The following C6orf62 variants were observed in gnomAD, a reference collection of about 807,000 sequenced individuals.
The protein encoded by C6orf62 is chromosome 6 open reading frame 62, also known as uncharacterized protein C6orf62.
A neutral mutation model predicts 26.8 loss-of-function variants in C6orf62; 16 were observed. The observed-to-expected ratio is 0.60, with a 90% CI of 0.40 to 0.91. The LOEUF is 0.91. Among genes scored for constraint, C6orf62 ranks in the 40% least tolerant of loss-of-function variants. The pLI, the probability that C6orf62 is intolerant of heterozygous loss-of-function variation, is 0.00. For missense variants in C6orf62, 192 were observed against 271.4 expected, an observed-to-expected ratio of 0.71 and a Z score of 2.06; for synonymous variants, 112 against 91.5, an observed-to-expected ratio of 1.22 and a Z score of -1.28.
At position 24,712,360 on chromosome 6, in the gene C6orf62, C is replaced by T. The variant is rs535424314; in HGVS notation, c.429+1958G>A. 1.6e-3 allele frequency among the ~76,000 whole-genome samples: 243 copies of T among 149,704 alleles called. 2 individuals are homozygous for T. Among genetic ancestry groups the T allele is most frequent in the African/African-American group, 5.7e-3 (231 of 40,642 alleles). On this transcript the variant is annotated intron_variant, in intron 3 of 4. Transcript: ENST00000378119. Reference sequence around the variant, plus strand: ...TCACGCCACCACACTCCAGCTTGGGCGACAGAGCAAGACCCTGTCTCAAAA... The same window carrying T: ...TCACGCCACCACACTCCAGCTTGGGTGACAGAGCAAGACCCTGTCTCAAAA...
upstream of C6orf62, chr6:24,720,363 T>A: frequency 8.2e-7 from 1 of 1,225,484 alleles, no homozygotes; most frequent in Non-Finnish European, 1.0e-6. Flanking sequence ...ACTGAGCCCC[T>A]CCATCCCCGC....
At chr6:24,710,783 G>C (rs1230866408) in intron 3 of C6orf62, among the ~76,000 whole-genome samples, 1 of 152,010 alleles carries the variant, frequency 6.6e-6, no homozygotes, top group African/African-American at 2.4e-5. Context: ...AGGATCACTA[G>C]AGGCCAGGAG....
chr6:24,714,857 GATC>G (rs1403562476), intron 2 of C6orf62, among the ~76,000 whole-genome samples: 3 of 152,142 alleles, frequency 2.0e-5, no homozygotes, highest in Admixed American at 6.5e-5. Context: ...GACCTCAGGT[GATC>G]CACCCACCTC....
chr6:24,707,875 G>C (rs942253348), intron 4 of C6orf62, among the ~76,000 whole-genome samples: 1 of 151,898 alleles, frequency 6.6e-6, no homozygotes, highest in South Asian at 2.1e-4. Context: ...GCTGGGCGTG[G>C]TGGCGGGCAC....
At position 24,718,774 on chromosome 6, in the gene C6orf62, AATATG is replaced by A; in HGVS notation, c.-111_-107del. The A allele has an allele frequency of 6.4e-7, 1 of 1,568,874 alleles. No homozygotes were observed. Among genetic ancestry groups the A allele is most frequent in the Non-Finnish European group, 8.6e-7 (1 of 1,167,422 alleles). The stretch of plus-strand genomic sequence containing the variant: ...GAAACAAGTCATTTTTTTTCCTGCT[AATATG>A]ATTGATTAGCGAAAATCACGACTAT... On this transcript the variant is annotated 5_prime_UTR_variant, in exon 1 of 5. Transcript: ENST00000378119.
At chr6:24,716,400 T>C (rs765395533) in intron 1 of C6orf62, 76 bp from the exon 2 acceptor site, 128 of 1,045,498 alleles carry the variant, frequency 1.2e-4, no homozygotes, top group Non-Finnish European at 1.8e-4. Context: ...TACAATGTCA[T>C]GTAACATTAA....
chr6:24,713,695 C>T (rs1185448412), intron 3 of C6orf62, among the ~76,000 whole-genome samples: 1 of 152,136 alleles, frequency 6.6e-6, no homozygotes, highest in Non-Finnish European at 1.5e-5. Context: ...TGACCTACAA[C>T]TAAGCATAAT....
At position 24,708,693 on chromosome 6, in the gene C6orf62, A is replaced by C. The variant is rs975274361; in HGVS notation, c.564+84T>G. The C allele has an allele frequency of 3.9e-6, 6 of 1,547,272 alleles. No homozygotes were observed. In the African/African-American group the frequency reaches 6.9e-5, roughly 18 times the overall value. On this transcript the variant is annotated intron_variant, in intron 4 of 4. Coordinates refer to ENST00000378119, the MANE Select transcript of C6orf62 (RefSeq NM_030939.5). ...TAATGCAGTGTTTGGGGGACACAAC[A>C]ATTAAGTAACTTGTATATAAAACGT...
chr6:24,716,858 G>A (rs895943055), intron 1 of C6orf62, among the ~76,000 whole-genome samples: 3 of 151,948 alleles, frequency 2.0e-5, no homozygotes, highest in African/African-American at 4.8e-5. Context: ...CGAGTAGCTG[G>A]GATTACAGGC....
chr6:24,711,188 T>C (rs1779113007), intron 3 of C6orf62, among the ~76,000 whole-genome samples: 1 of 152,134 alleles, frequency 6.6e-6, no homozygotes. Flanking sequence ...TATAGTTCTT[T>C]AGCATTTCAA....
At chr6:24,720,107 G>C, upstream of C6orf62, 1 of 1,377,252 alleles carries the variant, frequency 7.3e-7, no homozygotes, top group Non-Finnish European at 9.4e-7. Flanking sequence ...TGTTTAGGGT[G>C]GGGTCGTTAG....
At chr6:24,715,786 T>C (rs944482313) in intron 2 of C6orf62, among the ~76,000 whole-genome samples, 1 of 147,800 alleles carries the variant, frequency 6.8e-6, no homozygotes, top group African/African-American at 2.5e-5. Context: ...AGGGCAGAGG[T>C]TGCAGTGAGC....
At chr6:24,712,731 C>T (rs1779146125) in intron 3 of C6orf62, among the ~76,000 whole-genome samples, 1 of 146,798 alleles carries the variant, frequency 6.8e-6, no homozygotes, top group South Asian at 2.2e-4. Flanking sequence ...GTACAGTCAA[C>T]TCTCAATAAA....
At chr6:24,717,745 C>G (rs1028602142) in intron 1 of C6orf62, among the ~76,000 whole-genome samples, 2 of 152,196 alleles carry the variant, frequency 1.3e-5, no homozygotes, top group Non-Finnish European at 2.9e-5. Flanking sequence ...ATTTAAGCAC[C>G]AAAATCCAAG....
Position 24,708,891 on chromosome 6 carries a change from A to G in C6orf62, c.450T>C (p.His150=), listed in dbSNP as rs1423379909. The G allele has an allele frequency of 2.5e-6, 4 of 1,614,074 alleles. No individual in the cohort carries two copies. The South Asian group carries it at 3.3e-5, about 13-fold the overall frequency. Residue 150 remains histidine, a synonymous_variant, in exon 4 of 5, where the codon CAT becomes CAC. Transcript: ENST00000378119. ...RPVQAKFEFH[H]GDYEKQFLHV... ...GCAGAAACTGTTTTTCATAGTCACCATGATGAAACTCAAATTTGGCCTAAT... is the reference window on the plus strand; with the variant it reads ...GCAGAAACTGTTTTTCATAGTCACCGTGATGAAACTCAAATTTGGCCTAAT...
chr6:24,720,492 G>C (rs995505156), upstream of C6orf62: 1 of 662,196 alleles, frequency 1.5e-6, no homozygotes, highest in Non-Finnish European at 1.9e-6. Context: ...CGGAGACAGC[G>C]GCAACAGGGA....
intron 2 of C6orf62, 56 bp downstream of exon 2, chr6:24,716,092 A>T: frequency 2.0e-6 from 3 of 1,471,274 alleles, no homozygotes; most frequent in Non-Finnish European, 2.8e-6. Flanking sequence ...GGGGCGGGGA[A>T]ATGCAAGGTT....
chr6:24,719,759 G>A (rs1779316344), upstream of C6orf62: 1 of 1,543,258 alleles, frequency 6.5e-7, no homozygotes, highest in East Asian at 2.5e-5. Flanking sequence ...GGCAAAGGTG[G>A]CGGGTTCTTC....
rs778734904 is a variant in C6orf62, at chr6:24,718,659, G to A, written c.10C>T (p.Pro4Ser). MGD[P>S]NSRKKQALNR... Reference sequence around the variant, plus strand: ...AGAGCTTGTTTCTTCCGGGAGTTTGGGTCCCCCATTTTGAAATACAGGTGG... The same window carrying A: ...AGAGCTTGTTTCTTCCGGGAGTTTGAGTCCCCCATTTTGAAATACAGGTGG... The change falls in exon 1 of 5, where the codon CCA becomes TCA. Residue 4 changes from proline (P) to serine (S), a missense_variant. By Grantham distance (74) the Pro-to-Ser change is moderately conservative. Transcript: ENST00000378119. 2 of 1,613,722 alleles carry A rather than the reference G, an allele frequency of 1.2e-6. No homozygotes were observed. The highest frequency in any genetic ancestry group is 2.2e-5 in the East Asian group (1 of 44,864).
Sources: gnomAD v4.1 joint callset for allele counts (sites outside exome capture counted in the v4.1 genomes callset) on GRCh38, gnomAD v4.1.1 for gene constraint, MANE v1.5 for transcripts, NCBI Gene and HGNC (gene_info 2026-07-23, HGNC 2026-07-21) for gene names.